Variants in MACC1 observed in about 807,000 individuals in gnomAD.
MACC1 encodes the protein metastasis-associated in colon cancer protein 1.
Under a neutral mutation model 70.7 loss-of-function variants are expected in MACC1, and 79 were observed. That is an observed-to-expected ratio of 1.12 (90% CI 0.93 to 1.35). MACC1 has a LOEUF of 1.35. Ranked by LOEUF, MACC1 falls within the 40% of genes most tolerant of loss-of-function variation. The pLI is 0.00. For missense variants in MACC1, 1,106 were observed against 978.1 expected, an observed-to-expected ratio of 1.13 and a Z score of -1.74; for synonymous variants, 361 against 347.2, an observed-to-expected ratio of 1.04 and a Z score of -0.44.
chr7:20,145,221 TG>T (rs1350497736), intron 6 of MACC1, among the ~76,000 whole-genome samples: 1 of 152,218 alleles, frequency 6.6e-6, no homozygotes, highest in African/African-American at 2.4e-5. Flanking sequence ...TTACCTCCAC[TG>T]CTACCTGTAA....
intron 1 of MACC1, among the ~76,000 whole-genome samples, chr7:20,171,110 A>G (rs1394355119): frequency 6.6e-6 from 1 of 152,192 alleles, no homozygotes. Context: ...GTGTGCATAT[A>G]TCTATTCAGA....
chr7:20,162,021 A>G (rs1782146009), intron 3 of MACC1, among the ~76,000 whole-genome samples, 151 bp from the exon 4 acceptor site: 1 of 152,212 alleles, frequency 6.6e-6, no homozygotes, highest in South Asian at 2.1e-4. Context: ...ATACTCGACT[A>G]GATATACTAA....
chr7:20,212,928 G>A (rs538638855), intron 1 of MACC1, among the ~76,000 whole-genome samples: 2 of 152,222 alleles, frequency 1.3e-5, no homozygotes, highest in African/African-American at 4.8e-5. Flanking sequence ...ACCCCATTTG[G>A]TAGGTTCCAC....
At position 20,135,854 on chromosome 7, in the gene MACC1, T is replaced by G. The variant is rs1030073202; in HGVS notation, c.*5092A>C. ...AGTCACCAATTGTTCAAAAACAGTG[T>G]GTATTACATAATCAATTTCAAAAGA... On this transcript the variant is annotated 3_prime_UTR_variant, in exon 7 of 7. Transcript: ENST00000400331. 1 of 152,200 alleles carries G rather than the reference T, an allele frequency of 6.6e-6. No homozygotes were observed. The highest frequency in any genetic ancestry group is 2.4e-5 in the African/African-American group (1 of 41,456). 9.4% of individuals were successfully genotyped at this position (152,200 alleles called of 1,614,324 possible). A position where few individuals can be genotyped will look rare whatever the true frequency, so the allele number is the denominator to read the frequency against.
intron 1 of MACC1, among the ~76,000 whole-genome samples, chr7:20,189,359 T>G (rs183834265): frequency 4.3e-4 from 66 of 152,342 alleles, no homozygotes; most frequent in African/African-American, 1.5e-3. Flanking sequence ...TGTTCACTCT[T>G]GTATCCCCAG....
intron 1 of MACC1, among the ~76,000 whole-genome samples, chr7:20,201,822 A>G (rs1026242705): frequency 1.3e-5 from 2 of 152,280 alleles, no homozygotes; most frequent in East Asian, 3.9e-4. Flanking sequence ...CTTAGATTCC[A>G]TTTTTGAGAT....
chr7:20,204,315 C>T (rs1228375124), intron 1 of MACC1, among the ~76,000 whole-genome samples: 2 of 152,028 alleles, frequency 1.3e-5, no homozygotes, highest in Admixed American at 6.6e-5. Context: ...CCACCACGCC[C>T]GGCTAATTTT....
intron 1 of MACC1, among the ~76,000 whole-genome samples, chr7:20,207,172 G>T (rs1343466928): frequency 6.6e-6 from 1 of 150,642 alleles, no homozygotes; most frequent in Non-Finnish European, 1.5e-5. Context: ...ACAGAGTCTT[G>T]CTGTGTCACC....
In MACC1 at chr7:20,159,403, A is replaced by G. The variant is rs766307236; in HGVS notation, c.958T>C (p.Phe320Leu). The change falls in exon 5 of 7, where the codon TTT becomes CTT. Residue 320 changes from phenylalanine (F) to leucine (L), a missense_variant. Coordinates refer to ENST00000400331, the MANE Select transcript of MACC1 (RefSeq NM_182762.4). ...ATGTAGCAGTTGCTTAAAACTTTAA[A>G]AGGGCCTTCTTTACCCAAGCTGTGT... ...CLHSLGKEGPFKVLSNCYIYK... is the reference protein window; with the variant it reads ...CLHSLGKEGPLKVLSNCYIYK... The G allele has an allele frequency of 3.7e-6, 6 of 1,614,032 alleles. No homozygotes were observed. The South Asian group carries it at 6.6e-5, about 18-fold the overall frequency.
intron 1 of MACC1, among the ~76,000 whole-genome samples, chr7:20,206,788 C>T (rs906184264): frequency 2.0e-5 from 3 of 152,220 alleles, no homozygotes; most frequent in Admixed American, 2.0e-4. Context: ...CCTTCCAAAC[C>T]TGTTTCTCTT....
At chr7:20,212,593 T>C (rs372049556) in intron 1 of MACC1, among the ~76,000 whole-genome samples, 4 of 152,234 alleles carry the variant, frequency 2.6e-5, no homozygotes, top group African/African-American at 9.6e-5. Flanking sequence ...AGGAACATAC[T>C]TGTCTCCTCC....
chr7:20,196,748 A>G (rs1420651042), intron 1 of MACC1, among the ~76,000 whole-genome samples: 1 of 152,204 alleles, frequency 6.6e-6, no homozygotes, highest in Non-Finnish European at 1.5e-5. Context: ...TCTATCATGC[A>G]TGGAGAACCG....
chr7:20,160,066 C>T lies in MACC1; in HGVS notation c.295G>A (p.Asp99Asn). 2.5e-6 allele frequency: 4 copies of T among 1,609,064 alleles called. No homozygotes were observed. Among genetic ancestry groups the T allele is most frequent in the Non-Finnish European group, 3.4e-6 (4 of 1,178,178 alleles). Residue 99 changes from aspartate (D) to asparagine (N), a missense_variant, in exon 5 of 7, where the codon GAT becomes AAT. Asp to Asn is a conservative substitution (Grantham distance 23, BLOSUM62 1). Coordinates refer to ENST00000400331, the MANE Select transcript of MACC1 (RefSeq NM_182762.4). ...KRNNISILKE[D>N]PFLFCREIEN... ...ATTTCTCTACAGAAAAGAAAAGGAT[C>T]TTCCTTTAAGATGGAAATATTATTT...
At chr7:20,150,168 C>A (rs368031063) in intron 6 of MACC1, among the ~76,000 whole-genome samples, 3 of 152,168 alleles carry the variant, frequency 2.0e-5, no homozygotes, top group African/African-American at 7.2e-5. Flanking sequence ...CAAATATTAA[C>A]AGTTTATCCC....
At chr7:20,213,960 AATT>A (rs1424834881) in intron 1 of MACC1, among the ~76,000 whole-genome samples, 4 of 152,110 alleles carry the variant, frequency 2.6e-5, no homozygotes, top group Middle Eastern at 3.2e-3. Flanking sequence ...CTGTCACTAT[AATT>A]ATTATTATTC....
chr7:20,147,705 T>A (rs1489033662), intron 6 of MACC1, among the ~76,000 whole-genome samples: 1 of 152,164 alleles, frequency 6.6e-6, no homozygotes, highest in Non-Finnish European at 1.5e-5. Flanking sequence ...GACACAAGAT[T>A]CCATTGAAAA....
chr7:20,211,545 T>C (rs1260039499), intron 1 of MACC1, among the ~76,000 whole-genome samples: 6 of 152,168 alleles, frequency 3.9e-5, no homozygotes, highest in Non-Finnish European at 8.8e-5. Context: ...CAAACATATC[T>C]GAGTCTCCCA....
intron 5 of MACC1, among the ~76,000 whole-genome samples, chr7:20,157,881 C>G (rs1042743076): frequency 3.3e-5 from 5 of 151,944 alleles, no homozygotes; most frequent in African/African-American, 1.2e-4. Flanking sequence ...GTTATGGAGC[C>G]TCTCTGGTAT....
Position 20,160,075 on chromosome 7 carries a change from A to C in MACC1, c.286T>G (p.Leu96Val), listed in dbSNP as rs1782119863. Reference protein sequence around the residue: ...NNRKRNNISILKEDPFLFCRE... With the variant: ...NNRKRNNISIVKEDPFLFCRE... ...CAGAAAAGAAAAGGATCTTCCTTTA[A>C]GATGGAAATATTATTTCTCTTCCTG... is the stretch of plus-strand genomic sequence containing the variant. The change falls in exon 5 of 7, where the codon TTA becomes GTA. Residue 96 changes from leucine to valine, a missense_variant. Physicochemically the swap from Leu to Val is conservative, Grantham distance 32 (BLOSUM62 1). Transcript: ENST00000400331. The C allele has an allele frequency of 6.2e-7, 1 of 1,610,594 alleles. No homozygotes were observed. Among genetic ancestry groups the C allele is most frequent in the Non-Finnish European group, 8.5e-7 (1 of 1,178,794 alleles).
Sources: allele counts gnomAD v4.1 joint callset (sites outside exome capture counted in the v4.1 genomes callset), GRCh38; gene constraint gnomAD v4.1.1; transcripts MANE v1.5; gene names NCBI Gene and HGNC (gene_info 2026-07-23, HGNC 2026-07-21).